CAST: variants seen among roughly 807,000 people sequenced by gnomAD.
CAST encodes calpastatin.
In CAST, 76 loss-of-function variants were observed where a neutral mutation model predicts 119.6. The observed-to-expected ratio is 0.64, with a 90% confidence interval of 0.53 to 0.77. The LOEUF is 0.77. Among genes scored for constraint, CAST ranks in the 30% least tolerant of loss-of-function variants. The pLI is 0.00. For synonymous variants in CAST, 319 were observed against 331.6 expected (o/e 0.96, Z 0.41); for missense variants, 953 against 946.5 (o/e 1.01, Z -0.09).
At chr5:96,145,985 A>G in the CAST span, among the ~76,000 whole-genome samples, 1 of 152,164 alleles carries the variant, frequency 6.6e-6, no homozygotes, top group Non-Finnish European at 1.5e-5. Context: ...TTGCCTCCTC[A>G]TAGCATGGAA....
chr5:95,963,849 C>T, the CAST span, among the ~76,000 whole-genome samples: 548 of 151,586 alleles, frequency 3.6e-3, 3 homozygotes, highest in African/African-American at 0.013. Flanking sequence ...ACTGCTTTTC[C>T]GGTGAATGTG....
At chr5:96,401,456 A>C in the CAST span, among the ~76,000 whole-genome samples, 7 of 152,224 alleles carry the variant, frequency 4.6e-5, no homozygotes, top group Non-Finnish European at 7.3e-5. Flanking sequence ...GGGAGCTTAT[A>C]CTTTATCTTT....
At chr5:96,527,399 A>G (rs13167403), upstream of CAST, among the ~76,000 whole-genome samples, 972 of 152,318 alleles carry the variant, frequency 6.4e-3, 3 homozygotes, top group South Asian at 0.02. Flanking sequence ...CTGTTAGCAT[A>G]GTGAGTTTGG....
the CAST span, among the ~76,000 whole-genome samples, chr5:96,249,533 G>A: frequency 2.0e-5 from 3 of 152,132 alleles, no homozygotes; most frequent in African/African-American, 4.8e-5. Context: ...TATCTATAAC[G>A]ACCACTTAGG....
intron 20 of CAST, among the ~76,000 whole-genome samples, chr5:96,752,364 T>C (rs925330066): frequency 1.3e-5 from 2 of 152,260 alleles, no homozygotes. Context: ...AAAGATTCTG[T>C]AGCATAGAGT....
chr5:96,542,646 T>G (rs944742776), intron 1 of CAST, among the ~76,000 whole-genome samples: 8 of 146,350 alleles, frequency 5.5e-5, no homozygotes, highest in African/African-American at 2.0e-4. Context: ...TTGTTCTATT[T>G]TGTTTTCTTA....
At chr5:96,303,528 G>T in the CAST span, among the ~76,000 whole-genome samples, 1 of 152,012 alleles carries the variant, frequency 6.6e-6, no homozygotes, top group Non-Finnish European at 1.5e-5. Flanking sequence ...TGTAACATAG[G>T]TATACACGTA....
chr5:96,615,075 A>G (rs1465629549), intron 1 of CAST, among the ~76,000 whole-genome samples: 1 of 152,238 alleles, frequency 6.6e-6, no homozygotes, highest in Non-Finnish European at 1.5e-5. Context: ...CCATACAGCA[A>G]TTCAATTCTG....
chr5:96,408,349 A>C, the CAST span: 1 of 1,557,474 alleles, frequency 6.4e-7, no homozygotes, highest in Non-Finnish European at 8.9e-7. Context: ...AAGGAGAGAA[A>C]GGCAGGGAGA....
chr5:96,721,145 A>C (rs1758178254), intron 3 of CAST, among the ~76,000 whole-genome samples: 1 of 152,156 alleles, frequency 6.6e-6, no homozygotes, highest in African/African-American at 2.4e-5. Context: ...AAAGAATATG[A>C]GAGAGGCCCT....
At chr5:96,306,180 G>A in the CAST span, among the ~76,000 whole-genome samples, 1 of 152,090 alleles carries the variant, frequency 6.6e-6, no homozygotes, top group Non-Finnish European at 1.5e-5. Context: ...TCTTGGGAGG[G>A]TATATGTTTT....
At chr5:96,213,642 T>C in the CAST span, 1 of 152,128 alleles carries the variant, frequency 6.6e-6, no homozygotes, top group African/African-American at 2.4e-5. Context: ...TATACATATA[T>C]AAGCTGGGTG....
chr5:95,981,029 A>T, the CAST span, among the ~76,000 whole-genome samples: 1 of 152,124 alleles, frequency 6.6e-6, no homozygotes, highest in Non-Finnish European at 1.5e-5. Flanking sequence ...AGGTCAGCAA[A>T]AATTGTTGGT....
the CAST span, among the ~76,000 whole-genome samples, chr5:96,482,888 G>C: frequency 1.3e-5 from 2 of 152,124 alleles, no homozygotes; most frequent in Non-Finnish European, 2.9e-5. Context: ...ATGGTTAAAG[G>C]TCCAAATTTG....
At chr5:96,052,517 T>G in the CAST span, among the ~76,000 whole-genome samples, 3 of 152,218 alleles carry the variant, frequency 2.0e-5, no homozygotes, top group Non-Finnish European at 4.4e-5. Context: ...TGCTGCCAAA[T>G]TACTCTCCAA....
At chr5:96,707,823 T>C (rs1385641213) in intron 3 of CAST, among the ~76,000 whole-genome samples, 2 of 151,808 alleles carry the variant, frequency 1.3e-5, no homozygotes, top group African/African-American at 4.8e-5. Flanking sequence ...GACTTAAGAG[T>C]CAAAGACCTA....
At chr5:96,598,538 G>A (rs915539514) in intron 1 of CAST, among the ~76,000 whole-genome samples, 1 of 152,142 alleles carries the variant, frequency 6.6e-6, no homozygotes, top group Non-Finnish European at 1.5e-5. Flanking sequence ...CCTCTGAGTT[G>A]GGTGACATGG....
Position 96,749,122 on chromosome 5 carries a change from C to T in CAST, c.1428+509C>T, listed in dbSNP as rs148566281. Reference sequence around the variant, plus strand: ...CAGAACAATAAGTATGTGTGCATCCCTGGCTTTTCTCACTTGGTTCCTCTG... The same window carrying T: ...CAGAACAATAAGTATGTGTGCATCCTTGGCTTTTCTCACTTGGTTCCTCTG... On this transcript the variant is annotated intron_variant, in intron 19 of 31. Coordinates refer to ENST00000675179, the MANE Select transcript of CAST (RefSeq NM_001750.7). 3.3e-5 allele frequency among the ~76,000 whole-genome samples: 5 copies of T among 152,320 alleles called. No homozygotes were observed. In the East Asian group the frequency reaches 9.6e-4, roughly 29 times the overall value.
intron 1 of CAST, among the ~76,000 whole-genome samples, chr5:96,555,791 C>T (rs941969220): frequency 1.3e-5 from 2 of 152,246 alleles, no homozygotes; most frequent in African/African-American, 2.4e-5. Context: ...TAGACTCCAC[C>T]TCTAGGGGCA....
Sources: gnomAD v4.1 joint callset for allele counts (sites outside exome capture counted in the v4.1 genomes callset) on GRCh38, gnomAD v4.1.1 for gene constraint, MANE v1.5 for transcripts, NCBI Gene and HGNC (gene_info 2026-07-23, HGNC 2026-07-21) for gene names.